Variants in ARHGEF12 observed in about 807,000 individuals in gnomAD.
ARHGEF12 encodes Rho guanine nucleotide exchange factor 12.
Under a neutral mutation model 211.2 loss-of-function variants are expected in ARHGEF12, and 66 were observed. The ratio of observed to expected loss-of-function variants is 0.31; its 90% CI spans 0.26 to 0.38. ARHGEF12 has a LOEUF of 0.38. Ranked by LOEUF, ARHGEF12 falls within the 10% of genes least tolerant of loss-of-function variation. The probability of loss-of-function intolerance (pLI) is 1.00; values close to 1 mark genes in which losing one functional copy is unlikely to be tolerated. For missense variants in ARHGEF12, 1,429 were observed against 1,869.5 expected (o/e 0.76, Z 4.34); for synonymous variants, 592 against 638.4 (o/e 0.93, Z 1.09).
At chr11:120,425,523 G>A (rs1945317905) in intron 7 of ARHGEF12, among the ~76,000 whole-genome samples, 1 of 151,574 alleles carries the variant, frequency 6.6e-6, no homozygotes, top group Non-Finnish European at 1.5e-5. Context: ...CCAGGCTGCT[G>A]TCAAACTCCT....
chr11:120,376,985 T>C (rs1376904695), intron 1 of ARHGEF12, among the ~76,000 whole-genome samples: 1 of 152,226 alleles, frequency 6.6e-6, no homozygotes, highest in African/African-American at 2.4e-5. Context: ...TTGTTTTATA[T>C]AGCTGAATAA....
intron 3 of ARHGEF12, chr11:120,408,863 C>T (rs962329924): frequency 6.6e-6 from 1 of 152,210 alleles, no homozygotes; most frequent in East Asian, 1.9e-4. Flanking sequence ...ACTTACAGAT[C>T]TCCATGAAGA....
At chr11:120,338,168 C>T (rs986356510) in intron 1 of ARHGEF12, among the ~76,000 whole-genome samples, 2 of 152,228 alleles carry the variant, frequency 1.3e-5, no homozygotes, top group African/African-American at 4.8e-5. Context: ...AATTATGACA[C>T]TGCATGCTAG....
chr11:120,485,125 G>C lies in ARHGEF12; in HGVS notation c.*48G>C, dbSNP rs761087901. The C allele has an allele frequency of 2.5e-6, 4 of 1,611,140 alleles. No homozygotes were observed. Among genetic ancestry groups the C allele is most frequent in the Middle Eastern group, 1.8e-4 (1 of 5,680 alleles). Reference sequence around the variant, plus strand: ...TGCAGGTTGTTGGATTTGGAGTATCGGCCGTGTCTCACCACATCCTGGCTC... The same window carrying C: ...TGCAGGTTGTTGGATTTGGAGTATCCGCCGTGTCTCACCACATCCTGGCTC... On this transcript the variant is annotated 3_prime_UTR_variant, in exon 41 of 41. Coordinates refer to ENST00000397843, the MANE Select transcript of ARHGEF12 (RefSeq NM_015313.3).
At chr11:120,395,568 GA>G (rs1215478679) in intron 1 of ARHGEF12, among the ~76,000 whole-genome samples, 1 of 152,156 alleles carries the variant, frequency 6.6e-6, no homozygotes, top group African/African-American at 2.4e-5. Flanking sequence ...ATTTATAAAG[GA>G]AAGAGGTTTA....
chr11:120,419,693 A>G (rs1945127544), intron 4 of ARHGEF12, among the ~76,000 whole-genome samples: 1 of 152,088 alleles, frequency 6.6e-6, no homozygotes, highest in African/African-American at 2.4e-5. Flanking sequence ...CAGTCTATAT[A>G]TATTTTTTAT....
rs61898359 is a variant in ARHGEF12 at position 120,357,954 on chromosome 11, A to G, written c.32+20679A>G. ...ATAGTTCAGCATGGCTAGAGCATGG[A>G]GGTTGATGATGGATGGGCACAGCAG... On this transcript the variant is annotated intron_variant, in intron 1 of 40. Coordinates refer to ENST00000397843, the MANE Select transcript of ARHGEF12 (RefSeq NM_015313.3). 4.3e-3 allele frequency among the ~76,000 whole-genome samples: 654 copies of G among 152,276 alleles called. 1 individual carries two copies. Among genetic ancestry groups the G allele is most frequent in the Non-Finnish European group, 7.6e-3 (519 of 68,022 alleles).
Position 120,488,464 on chromosome 11 carries a change from T to G in ARHGEF12, c.*3387T>G, listed in dbSNP as rs955188048. On this transcript the variant is annotated 3_prime_UTR_variant, in exon 41 of 41. Coordinates refer to ENST00000397843, the MANE Select transcript of ARHGEF12 (RefSeq NM_015313.3). ...GTTTTATAAGTCATTTTTTTCCTGATATTTCCACCACTTTTCAGAGTCATC... is the reference window on the plus strand; with the variant it reads ...GTTTTATAAGTCATTTTTTTCCTGAGATTTCCACCACTTTTCAGAGTCATC... The G allele has an allele frequency of 1.8e-5, 4 of 216,740 alleles. No individual in the cohort carries two copies. Among genetic ancestry groups the G allele is most frequent in the Non-Finnish European group, 3.7e-5 (4 of 107,798 alleles). The allele number at this position is 216,740 out of a possible 1,614,324, so 13.4% of individuals were successfully genotyped here. A position where few individuals can be genotyped will look rare whatever the true frequency, so the allele number is the denominator to read the frequency against.
At chr11:120,354,162 T>G (rs1943069447) in intron 1 of ARHGEF12, among the ~76,000 whole-genome samples, 1 of 152,084 alleles carries the variant, frequency 6.6e-6, no homozygotes, top group Non-Finnish European at 1.5e-5. Flanking sequence ...GATTCCTGTT[T>G]CACTATTCTC....
At chr11:120,341,242 G>A (rs1942526194) in intron 1 of ARHGEF12, among the ~76,000 whole-genome samples, 2 of 106,990 alleles carry the variant, frequency 1.9e-5, no homozygotes, top group Admixed American at 1.8e-4. Context: ...ATTTTTAGTA[G>A]AGACGGGGTT....
intron 1 of ARHGEF12, among the ~76,000 whole-genome samples, chr11:120,392,058 C>T (rs1944235830): frequency 2.0e-5 from 3 of 152,212 alleles, no homozygotes; most frequent in Non-Finnish European, 4.4e-5. Context: ...CTGTGGCTCA[C>T]ATTCTTACAT....
intron 1 of ARHGEF12, among the ~76,000 whole-genome samples, chr11:120,387,610 G>A (rs1418287202): frequency 6.6e-6 from 1 of 152,102 alleles, no homozygotes; most frequent in Non-Finnish European, 1.5e-5. Context: ...GTGTAGTCAA[G>A]TAATCTGAAG....
chr11:120,463,908 G>T (rs1035688992), intron 27 of ARHGEF12: 2 of 152,138 alleles, frequency 1.3e-5, no homozygotes, highest in African/African-American at 4.8e-5. Context: ...TTATCTACAA[G>T]TATAGAGGCT....
At chr11:120,484,322 A>C in intron 39 of ARHGEF12, 116 bp from the exon 40 acceptor site, 1 of 782,512 alleles carries the variant, frequency 1.3e-6, no homozygotes, top group African/African-American at 1.8e-5. Context: ...AATATTTTTG[A>C]AATTTGGGGG....
chr11:120,431,143 A>G (rs1170442129), intron 10 of ARHGEF12, among the ~76,000 whole-genome samples: 1 of 152,014 alleles, frequency 6.6e-6, no homozygotes, highest in Non-Finnish European at 1.5e-5. Flanking sequence ...TAAAAAAATT[A>G]GACAAGCTTG....
intron 1 of ARHGEF12, among the ~76,000 whole-genome samples, chr11:120,368,468 A>G (rs1943493296): frequency 6.6e-6 from 1 of 152,174 alleles, no homozygotes; most frequent in African/African-American, 2.4e-5. Flanking sequence ...TTTAAAGGGA[A>G]TCGGCATTTG....
chr11:120,419,085 G>A (rs557812261), intron 4 of ARHGEF12, among the ~76,000 whole-genome samples: 2 of 151,184 alleles, frequency 1.3e-5, no homozygotes, highest in South Asian at 2.1e-4. Context: ...TCAGCCTCCC[G>A]AGTAGCTGGG....
intron 1 of ARHGEF12, among the ~76,000 whole-genome samples, chr11:120,399,338 A>AAAAAAAAAAAAAAG (rs1944487263): frequency 1.4e-5 from 2 of 147,176 alleles, no homozygotes; most frequent in Non-Finnish European, 3.0e-5. Flanking sequence ...AAAAAAAAAA[A>AAAAAAAAAAAAAAG]AAAAAAAAAA....
At chr11:120,456,960 T>C in intron 22 of ARHGEF12, 158 bp from the exon 23 acceptor site, 2 of 603,184 alleles carry the variant, frequency 3.3e-6, no homozygotes, top group Non-Finnish European at 5.6e-6. Context: ...ATGCCATAAT[T>C]TTGTATATTA....
Sources: gnomAD v4.1 joint callset for allele counts (sites outside exome capture counted in the v4.1 genomes callset) on GRCh38, gnomAD v4.1.1 for gene constraint, MANE v1.5 for transcripts, NCBI Gene and HGNC (gene_info 2026-07-23, HGNC 2026-07-21) for gene names.